The following FAM135A variants were observed in gnomAD, a reference collection of about 807,000 sequenced individuals.
FAM135A encodes the protein family with sequence similarity 135 member A.
In FAM135A, 79 loss-of-function variants were observed where a neutral mutation model predicts 146.8. The observed-to-expected ratio is 0.54, with a 90% CI of 0.45 to 0.65. FAM135A has a LOEUF of 0.65. FAM135A is among the 30% of genes least tolerant of loss of function. FAM135A has a pLI of 0.00. For synonymous variants in FAM135A, 562 were observed against 603.6 expected, an observed-to-expected ratio of 0.93 and a Z score of 1.01; for missense variants, 1,623 against 1,758.2, an observed-to-expected ratio of 0.92 and a Z score of 1.38.
At chr6:70,484,649 C>A (rs1285213116) in intron 10 of FAM135A, among the ~76,000 whole-genome samples, 1 of 152,134 alleles carries the variant, frequency 6.6e-6, no homozygotes, top group Non-Finnish European at 1.5e-5. Flanking sequence ...CTAGATCCCT[C>A]ACACGCACAG....
At chr6:70,451,489 C>A (rs1470397997) in intron 4 of FAM135A, among the ~76,000 whole-genome samples, 3 of 152,104 alleles carry the variant, frequency 2.0e-5, no homozygotes, top group African/African-American at 7.2e-5. Context: ...TTCAAGCAGT[C>A]CTCATCTTAA....
chr6:70,476,789 G>T (rs1475801546), intron 7 of FAM135A, among the ~76,000 whole-genome samples: 1 of 151,908 alleles, frequency 6.6e-6, no homozygotes, highest in Non-Finnish European at 1.5e-5. Flanking sequence ...TATCCTTTGG[G>T]ATTTATTATA....
Position 70,526,762 on chromosome 6 carries a change from CACAT to C in FAM135A, c.3614+68_3614+71del, listed in dbSNP as rs1305147863. The C allele has an allele frequency of 2.4e-4, 152 of 644,680 alleles. 2 individuals carry two copies. The African/African-American group carries it at 3.0e-3, about 13-fold the overall frequency. 39.9% of individuals were successfully genotyped at this position (644,680 alleles called of 1,614,324 possible). The stretch of plus-strand genomic sequence containing the variant: ...ATACATATATATATACACACACACA[CACAT>C]ACACACACACACACACACACACACA... On this transcript the variant is annotated intron_variant, in intron 15 of 21. Coordinates refer to ENST00000418814, the MANE Select transcript of FAM135A (RefSeq NM_001162529.3).
chr6:70,517,794 G>GT (rs1792629558), intron 12 of FAM135A, among the ~76,000 whole-genome samples: 1 of 152,112 alleles, frequency 6.6e-6, no homozygotes, highest in South Asian at 2.1e-4. Flanking sequence ...TATTGGAATT[G>GT]TTTTGAAGCA....
At chr6:70,480,866 G>C in intron 8 of FAM135A, 35 bp from the exon 9 acceptor site, 2 of 1,580,424 alleles carry the variant, frequency 1.3e-6, no homozygotes, top group South Asian at 1.2e-5. Context: ...AAATAGACTC[G>C]TATGACAATA....
chr6:70,497,109 A>G (rs1246148163), intron 11 of FAM135A, among the ~76,000 whole-genome samples: 8 of 151,418 alleles, frequency 5.3e-5, no homozygotes, highest in Non-Finnish European at 7.4e-5. Flanking sequence ...TATAGATAGA[A>G]TATTGATTCT....
intron 10 of FAM135A, 67 bp downstream of exon 10, chr6:70,482,221 T>G: frequency 4.7e-6 from 7 of 1,481,090 alleles, no homozygotes; most frequent in Non-Finnish European, 6.4e-6. Context: ...TATTGCTAGC[T>G]ATCAGCTTTG....
At chr6:70,499,514 C>A (rs930905769) in intron 11 of FAM135A, among the ~76,000 whole-genome samples, 6 of 152,158 alleles carry the variant, frequency 3.9e-5, no homozygotes, top group Non-Finnish European at 8.8e-5. Context: ...TTAATTTGAT[C>A]TTGTCATCAT....
intron 1 of FAM135A, chr6:70,413,920 G>A (rs1486589358): frequency 1.0e-6 from 1 of 985,270 alleles, no homozygotes; most frequent in East Asian, 1.1e-4. Context: ...AGGGAGGCGA[G>A]GGGCCGCGGC....
At chr6:70,489,671 A>T (rs1227593765) in intron 10 of FAM135A, among the ~76,000 whole-genome samples, 1 of 152,200 alleles carries the variant, frequency 6.6e-6, no homozygotes, top group East Asian at 1.9e-4. Flanking sequence ...ATACATGATT[A>T]TTCATGAAAG....
intron 4 of FAM135A, among the ~76,000 whole-genome samples, chr6:70,436,204 T>C (rs192219246): frequency 1.8e-3 from 270 of 149,432 alleles, no homozygotes; most frequent in Non-Finnish European, 3.0e-3. Context: ...AAAAAAAAAG[T>C]TCAGGAATTG....
chr6:70,506,226 A>G (rs1487188505), intron 12 of FAM135A, among the ~76,000 whole-genome samples: 1 of 152,156 alleles, frequency 6.6e-6, no homozygotes, highest in Admixed American at 6.5e-5. Context: ...TAGGACTCTG[A>G]CAAGACTTGA....
intron 16 of FAM135A, among the ~76,000 whole-genome samples, chr6:70,531,853 A>G (rs1453260861): frequency 6.9e-6 from 1 of 145,516 alleles, no homozygotes. Flanking sequence ...TTTTAGCAGA[A>G]TGTTGTTTGA....
chr6:70,469,687 A>G (rs541259883), intron 5 of FAM135A, among the ~76,000 whole-genome samples: 26 of 152,236 alleles, frequency 1.7e-4, no homozygotes, highest in Admixed American at 3.3e-4. Context: ...CCACTGCACT[A>G]TGCTGCTTCT....
In FAM135A at chr6:70,526,110, A is replaced by G; in HGVS notation, c.3026A>G (p.Tyr1009Cys). Residue 1009 changes from tyrosine to cysteine, a missense_variant, in exon 15 of 22, where the codon TAT (tyrosine) becomes TGT (cysteine). This residue lies in a region of FAM135A where 1,061 missense variants were observed against 1,113.8 expected (regional missense o/e 0.95). Coordinates refer to ENST00000418814, the MANE Select transcript of FAM135A (RefSeq NM_001162529.3). ...NSDVLNLTQM[Y>C]SEIPTVESET... The stretch of plus-strand genomic sequence containing the variant: ...GATGTATTAAATCTCACACAGATGT[A>G]TTCAGAAATCCCTACAGTTGAAAGT... The G allele has an allele frequency of 2.5e-6, 4 of 1,613,556 alleles. No homozygotes were observed. In the South Asian group the frequency reaches 4.4e-5, roughly 18 times the overall value.
chr6:70,515,575 A>G (rs973709028), intron 12 of FAM135A, among the ~76,000 whole-genome samples: 1 of 152,132 alleles, frequency 6.6e-6, no homozygotes, highest in African/African-American at 2.4e-5. Flanking sequence ...GTGACAGTAA[A>G]AAGATCCGGG....
At chr6:70,429,900 A>ATTTTTTTTTTT (rs1202599426) in intron 4 of FAM135A, among the ~76,000 whole-genome samples, 1 of 144,778 alleles carries the variant, frequency 6.9e-6, no homozygotes. Context: ...GAGATTCTCT[A>ATTTTTTTTTTT]TTTTTTTTTT....
At chr6:70,534,241 CATATATGTATATG>C (rs59586392) in intron 18 of FAM135A, among the ~76,000 whole-genome samples, 60,208 of 142,062 alleles carry the variant, frequency 0.42, 13,848 homozygotes, top group African/African-American at 0.59. Context: ...CTGTGAGTTA[CATATATGTATATG>C]ATATATGTAT....
At chr6:70,453,776 G>A (rs1380299592) in intron 5 of FAM135A, among the ~76,000 whole-genome samples, 1 of 152,096 alleles carries the variant, frequency 6.6e-6, no homozygotes, top group African/African-American at 2.4e-5. Flanking sequence ...AGTATTCCAT[G>A]GTGTATATGT....
Sources: gnomAD v4.1 joint callset for allele counts (sites outside exome capture counted in the v4.1 genomes callset) on GRCh38, gnomAD v4.1.1 for gene constraint, gnomAD v4.1.1 regional missense constraint, MANE v1.5 for transcripts, NCBI Gene and HGNC (gene_info 2026-07-23, HGNC 2026-07-21) for gene names.